The following FRMD3 variants were observed in gnomAD, a reference collection of about 807,000 sequenced individuals.
FRMD3 encodes FERM domain-containing protein 3.
FRMD3 carries 33 observed loss-of-function variants against 70.2 expected under a neutral mutation model. The ratio of observed to expected loss-of-function variants is 0.47; its 90% confidence interval spans 0.36 to 0.63. The LOEUF (loss-of-function observed/expected upper bound fraction) is 0.63. Among genes scored for constraint, FRMD3 ranks in the 20% least tolerant of loss-of-function variants. The probability of loss-of-function intolerance (pLI) is 0.00; values close to 1 mark genes in which losing one functional copy is unlikely to be tolerated. For synonymous variants in FRMD3, 279 were observed against 255.9 expected, an observed-to-expected ratio of 1.09 and a Z score of -0.86; for missense variants, 632 against 711.4, an observed-to-expected ratio of 0.89 and a Z score of 1.27.
intron 1 of FRMD3, among the ~76,000 whole-genome samples, chr9:83,536,930 T>TTAAAAAAAAAAA (rs1829904792): frequency 6.6e-5 from 4 of 60,894 alleles, no homozygotes; most frequent in Non-Finnish European, 1.3e-4. Flanking sequence ...TGTATTACAC[T>TTAAAAAAAAAAA]AAAAAAAAAA....
At chr9:83,243,810 C>T (rs1454371231), downstream of FRMD3, among the ~76,000 whole-genome samples, 1 of 152,010 alleles carries the variant, frequency 6.6e-6, no homozygotes, top group Non-Finnish European at 1.5e-5. Context: ...TTGTTTCATT[C>T]CAAGTAACAC....
At chr9:83,390,720 G>C (rs1825644127) in intron 1 of FRMD3, among the ~76,000 whole-genome samples, 1 of 152,160 alleles carries the variant, frequency 6.6e-6, no homozygotes, top group South Asian at 2.1e-4. Flanking sequence ...CAGGATATCT[G>C]ATAAGATTAA....
chr9:83,274,717 T>A (rs544127541), intron 13 of FRMD3, among the ~76,000 whole-genome samples: 1 of 152,274 alleles, frequency 6.6e-6, no homozygotes, highest in African/African-American at 2.4e-5. Context: ...TTGGCCCCAC[T>A]GTATGGGACT....
At chr9:83,554,187 G>C in the FRMD3 span, among the ~76,000 whole-genome samples, 29 of 152,260 alleles carry the variant, frequency 1.9e-4, no homozygotes, top group South Asian at 5.8e-3. Flanking sequence ...AGGCTCATCG[G>C]TCAGTTTGTA....
At chr9:83,579,154 A>G in the FRMD3 span, among the ~76,000 whole-genome samples, 1 of 152,046 alleles carries the variant, frequency 6.6e-6, no homozygotes, top group South Asian at 2.1e-4. Context: ...TGATGAAATA[A>G]TAGGAGGAAA....
At chr9:83,521,302 A>C (rs915639451) in intron 1 of FRMD3, among the ~76,000 whole-genome samples, 2 of 152,170 alleles carry the variant, frequency 1.3e-5, no homozygotes, top group African/African-American at 4.8e-5. Flanking sequence ...CAACATAGCA[A>C]AACCCCTTCT....
intron 13 of FRMD3, among the ~76,000 whole-genome samples, chr9:83,274,721 T>C (rs910025705): frequency 6.6e-6 from 1 of 152,130 alleles, no homozygotes; most frequent in African/African-American, 2.4e-5. Flanking sequence ...CCCCACTGTA[T>C]GGGACTGGAC....
intron 1 of FRMD3, among the ~76,000 whole-genome samples, chr9:83,460,971 G>A (rs1827953999): frequency 6.6e-6 from 1 of 151,964 alleles, no homozygotes; most frequent in Admixed American, 6.6e-5. Context: ...AGCTCTTGGA[G>A]TGTAGAGGTG....
the FRMD3 span, among the ~76,000 whole-genome samples, chr9:83,571,678 AC>A: frequency 7.0e-3 from 1,071 of 152,338 alleles, 9 homozygotes; most frequent in African/African-American, 0.024. Context: ...GACATCTCTG[AC>A]CTTAACCCAG....
chr9:83,267,686 C>G (rs778545697), intron 13 of FRMD3, among the ~76,000 whole-genome samples: 3 of 152,108 alleles, frequency 2.0e-5, no homozygotes, highest in Non-Finnish European at 2.9e-5. Flanking sequence ...TCGAGATATT[C>G]AAATAGTATC....
At chr9:83,294,205 ATG>A (rs1834564580) in intron 12 of FRMD3, among the ~76,000 whole-genome samples, 1 of 152,224 alleles carries the variant, frequency 6.6e-6, no homozygotes, top group Non-Finnish European at 1.5e-5. Flanking sequence ...CCCTTCTGCC[ATG>A]TGAGGACACA....
downstream of FRMD3, chr9:83,243,080 A>G (rs908242255): frequency 6.8e-6 from 6 of 885,326 alleles, no homozygotes; most frequent in African/African-American, 1.0e-4. Flanking sequence ...CTGTGAAGTG[A>G]CGGCTGCCGA....
upstream of FRMD3, among the ~76,000 whole-genome samples, chr9:83,538,762 A>G (rs575357966): frequency 3.3e-5 from 5 of 152,092 alleles, no homozygotes; most frequent in East Asian, 3.9e-4. The surrounding 1 kb of genome is among the most constrained non-coding windows in gnomAD (Gnocchi z 4.7). Context: ...CGGCTCCCCA[A>G]CGCGCTCGAC....
chr9:83,461,795 C>G lies in FRMD3; in HGVS notation c.148-72087G>C, dbSNP rs539813636. ...CCTCTGCTTCAGGGTTCAAGCAATT[C>G]TCCTGCCTCAGCCTCCCAAGTAACT... On this transcript the variant is annotated intron_variant, in intron 1 of 13. Transcript: ENST00000304195. Among the ~76,000 whole-genome samples the G allele has an allele frequency of 1.5e-3, 214 of 146,786 alleles. 1 individual carries two copies. Among genetic ancestry groups the G allele is most frequent in the African/African-American group, 5.2e-3 (207 of 39,966 alleles).
intron 1 of FRMD3, among the ~76,000 whole-genome samples, chr9:83,459,846 G>A (rs1417556141): frequency 3.9e-5 from 6 of 152,234 alleles, no homozygotes; most frequent in Admixed American, 2.6e-4. Flanking sequence ...CAGGGTCAAG[G>A]AGCCAGTAGG....
chr9:83,494,956 T>G (rs766825465), intron 1 of FRMD3, among the ~76,000 whole-genome samples: 2 of 152,134 alleles, frequency 1.3e-5, no homozygotes. Context: ...CAAAAGATCA[T>G]AAATATTTCC....
chr9:83,528,177 G>A (rs1829722824), intron 1 of FRMD3, among the ~76,000 whole-genome samples: 2 of 152,164 alleles, frequency 1.3e-5, no homozygotes, highest in South Asian at 4.1e-4. Context: ...ACAGCTTTAT[G>A]CAATTATTAG....
In FRMD3 at chr9:83,378,261, G is replaced by GTTTT. The variant is rs141992984; in HGVS notation, c.253-5310_253-5307dup. ...GAGTCTAACTGTGTCCTTCTTTTTT[G>GTTTT]TTTTTTTTGTTTTTTTTGAGACAGA... On this transcript the variant is annotated intron_variant, in intron 2 of 13. Coordinates refer to ENST00000304195, the MANE Select transcript of FRMD3 (RefSeq NM_174938.6). Among the ~76,000 whole-genome samples the GTTTT allele has an allele frequency of 2.6e-4, 34 of 129,390 alleles. 3 individuals are homozygous for GTTTT. The highest frequency in any genetic ancestry group is 7.1e-4 in the South Asian group (3 of 4,216). The allele number at this position is 129,390 out of a possible 152,430, so 84.9% of individuals were successfully genotyped here.
At chr9:83,364,769 A>G (rs1277600671) in intron 3 of FRMD3, among the ~76,000 whole-genome samples, 1 of 152,222 alleles carries the variant, frequency 6.6e-6, no homozygotes, top group Non-Finnish European at 1.5e-5. Flanking sequence ...TTTTGAGTAC[A>G]TCTAGAATTA....
Sources: gnomAD v4.1 joint callset for allele counts (sites outside exome capture counted in the v4.1 genomes callset) on GRCh38, gnomAD v4.1.1 for gene constraint, Gnocchi (gnomAD v3.1) non-coding constraint, MANE v1.5 for transcripts, NCBI Gene and HGNC (gene_info 2026-07-23, HGNC 2026-07-21) for gene names.